EXOC6B: variants seen among roughly 807,000 people sequenced by gnomAD.
EXOC6B encodes SEC15 homolog B.
EXOC6B carries 54 observed loss-of-function variants against 113.5 expected under a neutral mutation model. The observed-to-expected ratio is 0.48, with a 90% CI of 0.38 to 0.60. The LOEUF (loss-of-function observed/expected upper bound fraction) is 0.60, where lower values mean the gene tolerates loss of function less well. Among genes scored for constraint, EXOC6B ranks in the 20% least tolerant of loss-of-function variants. EXOC6B has a pLI of 0.00. For synonymous variants in EXOC6B, 357 were observed against 339.0 expected (o/e 1.05, Z -0.58); for missense variants, 797 against 977.5 (o/e 0.82, Z 2.46).
chr2:72,700,865 C>T (rs187693955), intron 6 of EXOC6B, among the ~76,000 whole-genome samples: 6 of 152,164 alleles, frequency 3.9e-5, no homozygotes, highest in Non-Finnish European at 5.9e-5. Flanking sequence ...GCAAGAGAAT[C>T]GCTTGAACTT....
chr2:72,194,788 G>T (rs1286678437), intron 20 of EXOC6B, among the ~76,000 whole-genome samples: 1 of 152,052 alleles, frequency 6.6e-6, no homozygotes, highest in East Asian at 1.9e-4. Flanking sequence ...GTAGAGAGAG[G>T]TTCCAAATTT....
chr2:72,189,860 C>CTTTT lies in EXOC6B; in HGVS notation c.2197-5677_2197-5674dup, dbSNP rs57679690. On this transcript the variant is annotated intron_variant, in intron 20 of 21. Coordinates refer to ENST00000272427, the MANE Select transcript of EXOC6B (RefSeq NM_015189.3). ...TCTCTCTCTCTTTCTCCTTCTTCTT[C>CTTTT]TTTTTTTTTTTTTTTTTTTTGAGGC... Among the ~76,000 whole-genome samples the CTTTT allele has an allele frequency of 1.2e-3, 103 of 87,192 alleles. 1 individual carries two copies. Among genetic ancestry groups the CTTTT allele is most frequent in the African/African-American group, 1.4e-3 (22 of 15,332 alleles). 57.2% of individuals were successfully genotyped at this position (87,192 alleles called of 152,430 possible).
intron 20 of EXOC6B, among the ~76,000 whole-genome samples, chr2:72,272,304 T>G (rs766393065): frequency 6.6e-6 from 1 of 152,142 alleles, no homozygotes; most frequent in Non-Finnish European, 1.5e-5. Flanking sequence ...CCCTGTCATC[T>G]AGGGAAAATA....
chr2:72,470,962 A>T (rs1394906710), intron 17 of EXOC6B, among the ~76,000 whole-genome samples: 26 of 152,174 alleles, frequency 1.7e-4, no homozygotes, highest in Non-Finnish European at 3.8e-4. Context: ...CATGATTTGT[A>T]ATCCTTTGGG....
intron 20 of EXOC6B, among the ~76,000 whole-genome samples, chr2:72,227,603 G>A (rs1333576421): frequency 1.3e-5 from 2 of 152,144 alleles, no homozygotes; most frequent in Non-Finnish European, 1.5e-5. Flanking sequence ...CAACTGATAT[G>A]TTTTATCCAC....
At chr2:72,401,597 A>ATATG (rs1693270139) in intron 18 of EXOC6B, among the ~76,000 whole-genome samples, 1 of 41,404 alleles carries the variant, frequency 2.4e-5, no homozygotes, top group South Asian at 5.1e-4. Flanking sequence ...ATATATATAT[A>ATATG]TATATGTGTA....
At chr2:72,288,266 A>C (rs548661838) in intron 20 of EXOC6B, among the ~76,000 whole-genome samples, 81 of 152,304 alleles carry the variant, frequency 5.3e-4, no homozygotes, top group African/African-American at 1.7e-3. Flanking sequence ...AACTATTATT[A>C]GCTACATACA....
chr2:72,768,452 C>G (rs560435104), intron 1 of EXOC6B, among the ~76,000 whole-genome samples: 2 of 151,780 alleles, frequency 1.3e-5, no homozygotes, highest in Non-Finnish European at 2.9e-5. Context: ...CTACCACCCC[C>G]GGCTAATTTT....
At chr2:72,774,331 G>GA (rs1429794397) in intron 1 of EXOC6B, among the ~76,000 whole-genome samples, 1 of 152,008 alleles carries the variant, frequency 6.6e-6, no homozygotes, top group Admixed American at 6.6e-5. Context: ...AAGATGAGCT[G>GA]AAAATCTAAT....
chr2:72,712,319 A>G lies in EXOC6B; in HGVS notation c.669+5784T>C, dbSNP rs568831276. ...ATTTAGCAACTTAAAGCCACACACA[A>G]TTACTGTCTCAGAGTTAACTCATGG... On this transcript the variant is annotated intron_variant, in intron 6 of 21. Transcript: ENST00000272427. Among the ~76,000 whole-genome samples, 22 of 152,278 alleles carry G rather than the reference A, an allele frequency of 1.4e-4. No homozygotes were observed. In the East Asian group the frequency reaches 4.2e-3, roughly 29 times the overall value.
chr2:72,705,288 A>G (rs920112301), intron 6 of EXOC6B, among the ~76,000 whole-genome samples: 2 of 152,308 alleles, frequency 1.3e-5, no homozygotes, highest in South Asian at 2.1e-4. Flanking sequence ...GCTTCATGCT[A>G]AAAACTCTCA....
intron 6 of EXOC6B, among the ~76,000 whole-genome samples, chr2:72,648,580 C>G (rs11689339): frequency 6.6e-6 from 1 of 152,070 alleles, no homozygotes; most frequent in East Asian, 1.9e-4. Context: ...CACATATACA[C>G]CACAGAATAC....
At chr2:72,704,503 C>A (rs867380040) in intron 6 of EXOC6B, among the ~76,000 whole-genome samples, 5,545 of 148,818 alleles carry the variant, frequency 0.037, 319 homozygotes, top group African/African-American at 0.13. Flanking sequence ...GAAATAGAGA[C>A]ACAAAAAACC....
In EXOC6B at chr2:72,781,875, G is replaced by T. The variant is rs540043250; in HGVS notation, c.114-40406C>A. ...GTATATAGGCCAGGCGCAGTGGTTC[G>T]CACTTGTAATCCCAGAACTTTGGGA... On this transcript the variant is annotated intron_variant, in intron 1 of 21. Transcript: ENST00000272427. Among the ~76,000 whole-genome samples, 23 of 152,022 alleles carry T rather than the reference G, an allele frequency of 1.5e-4. 2 individuals carry two copies. Among genetic ancestry groups the T allele is most frequent in the African/African-American group, 4.6e-4 (19 of 41,486 alleles).
chr2:72,401,601 A>ATATATATATG (rs1558631082), intron 18 of EXOC6B, among the ~76,000 whole-genome samples: 1 of 27,980 alleles, frequency 3.6e-5, no homozygotes, highest in Non-Finnish European at 5.6e-5. Context: ...ATATATATAT[A>ATATATATATG]TGTGTATATA....
intron 6 of EXOC6B, among the ~76,000 whole-genome samples, chr2:72,626,618 T>C (rs1193118967): frequency 1.3e-5 from 2 of 152,166 alleles, no homozygotes; most frequent in African/African-American, 2.4e-5. Context: ...TATACCATCA[T>C]GTTAGTTTCT....
At chr2:72,718,813 T>C (rs972413467) in intron 5 of EXOC6B, among the ~76,000 whole-genome samples, 6 of 152,040 alleles carry the variant, frequency 3.9e-5, no homozygotes, top group Admixed American at 2.0e-4. Flanking sequence ...GCCAGTGCAC[T>C]CCAGCCTAGA....
At chr2:72,590,413 T>C (rs1215296183) in intron 6 of EXOC6B, among the ~76,000 whole-genome samples, 2 of 151,702 alleles carry the variant, frequency 1.3e-5, no homozygotes, top group African/African-American at 4.8e-5. Flanking sequence ...CAATACATAA[T>C]AGAAATATTA....
chr2:72,536,799 A>C (rs968167485), intron 8 of EXOC6B, among the ~76,000 whole-genome samples: 2 of 152,218 alleles, frequency 1.3e-5, no homozygotes, highest in African/African-American at 4.8e-5. Context: ...TGAATCAGAA[A>C]AAAGTCTCCC....
Sources: gnomAD v4.1 joint callset for allele counts (sites outside exome capture counted in the v4.1 genomes callset) on GRCh38, gnomAD v4.1.1 for gene constraint, MANE v1.5 for transcripts, NCBI Gene and HGNC (gene_info 2026-07-23, HGNC 2026-07-21) for gene names.